MYT1L: variants seen among roughly 807,000 people sequenced by gnomAD.
The protein encoded by MYT1L is myelin transcription factor 1-like protein.
In MYT1L, 12 loss-of-function variants were observed where a neutral mutation model predicts 126.7. The observed-to-expected ratio is 0.09, with a 90% CI of 0.06 to 0.15. MYT1L has a LOEUF of 0.15. Among genes scored for constraint, MYT1L ranks in the 10% least tolerant of loss-of-function variants. The probability of loss-of-function intolerance (pLI) is 1.00; values close to 1 mark genes in which losing one functional copy is unlikely to be tolerated. For missense variants in MYT1L, 979 were observed against 1,585.2 expected (o/e 0.62, Z 6.49); for synonymous variants, 541 against 604.2 (o/e 0.90, Z 1.53).
intron 2 of MYT1L, among the ~76,000 whole-genome samples, chr2:2,249,179 T>C (rs2094589418): frequency 6.6e-6 from 1 of 151,974 alleles, no homozygotes; most frequent in African/African-American, 2.4e-5. Context: ...TTTTGCAGGA[T>C]ACAAAATTAA....
intron 4 of MYT1L, among the ~76,000 whole-genome samples, chr2:2,022,683 T>C (rs535459266): frequency 6.6e-6 from 1 of 151,620 alleles, no homozygotes; most frequent in East Asian, 1.9e-4. Context: ...AGCTTTTTAA[T>C]ACACTTCCAT....
intron 18 of MYT1L, among the ~76,000 whole-genome samples, chr2:1,868,330 G>A (rs1431895027): frequency 6.6e-6 from 1 of 152,186 alleles, no homozygotes; most frequent in African/African-American, 2.4e-5. Context: ...CATAGAACCT[G>A]CACTTGCATA....
At chr2:2,147,409 T>C (rs1005122832) in intron 3 of MYT1L, among the ~76,000 whole-genome samples, 1 of 152,176 alleles carries the variant, frequency 6.6e-6, no homozygotes, top group Admixed American at 6.5e-5. Context: ...GGCAGAGGCG[T>C]TCTGTTGGAG....
chr2:2,020,929 T>C (rs1558761946), intron 4 of MYT1L, among the ~76,000 whole-genome samples: 2 of 152,234 alleles, frequency 1.3e-5, no homozygotes, highest in Non-Finnish European at 2.9e-5. Flanking sequence ...CAGCTGCCTC[T>C]GAGCAGCTCC....
intron 3 of MYT1L, among the ~76,000 whole-genome samples, chr2:2,111,353 C>A (rs1264860193): frequency 2.0e-5 from 3 of 152,178 alleles, no homozygotes; most frequent in Non-Finnish European, 4.4e-5. Flanking sequence ...CCCATCCTCC[C>A]CCCGACGGCA....
In MYT1L at chr2:1,912,143, G is replaced by T; in HGVS notation, c.1619-33C>A. On this transcript the variant is annotated intron_variant, in intron 11 of 24. Coordinates refer to ENST00000647738, the MANE Select transcript of MYT1L (RefSeq NM_001303052.2). The surrounding 1 kb of genome is among the most constrained non-coding windows in gnomAD (Gnocchi z 4.3). Reference sequence around the variant, plus strand: ...GGGAGAGGCAAAGAGAACAGCCAGTGTTAAAACAGAGGCACGGTTAGGGCA... The same window carrying T: ...GGGAGAGGCAAAGAGAACAGCCAGTTTTAAAACAGAGGCACGGTTAGGGCA... 1 of 1,488,308 alleles carries T rather than the reference G, an allele frequency of 6.7e-7. No individual in the cohort carries two copies. Among genetic ancestry groups the T allele is most frequent in the Non-Finnish European group, 9.2e-7 (1 of 1,086,076 alleles). 92.2% of individuals were successfully genotyped at this position (1,488,308 alleles called of 1,614,324 possible). A position where few individuals can be genotyped will look rare whatever the true frequency, so the allele number is the denominator to read the frequency against.
intron 21 of MYT1L, among the ~76,000 whole-genome samples, chr2:1,831,735 T>G (rs1416247533): frequency 6.6e-6 from 1 of 152,114 alleles, no homozygotes; most frequent in African/African-American, 2.4e-5. Flanking sequence ...CTGCACATCA[T>G]GGCGCCTGGC....
At position 2,231,112 on chromosome 2, in the gene MYT1L, T is replaced by C. The variant is rs148331727; in HGVS notation, c.-421+53292A>G. Among the ~76,000 whole-genome samples the C allele has an allele frequency of 2.3e-3, 353 of 152,328 alleles. 4 individuals carry two copies. Among genetic ancestry groups the C allele is most frequent in the Admixed American group, 0.01 (160 of 15,304 alleles). ...ATTACCCTTTCCAGTCCTTTTCAACTGCAAACACAGCTTTCATTTCCTGCT... is the reference window on the plus strand; with the variant it reads ...ATTACCCTTTCCAGTCCTTTTCAACCGCAAACACAGCTTTCATTTCCTGCT... On this transcript the variant is annotated intron_variant, in intron 2 of 24. Transcript: ENST00000647738.
At chr2:2,058,829 G>C (rs78617143) in intron 3 of MYT1L, among the ~76,000 whole-genome samples, 4,954 of 152,264 alleles carry the variant, frequency 0.033, 134 homozygotes, top group Non-Finnish European at 0.05. Flanking sequence ...ATGAGCCCAG[G>C]GATGTGAGGC....
intron 5 of MYT1L, among the ~76,000 whole-genome samples, chr2:1,989,222 A>G (rs143077397): frequency 1.3e-5 from 2 of 152,180 alleles, no homozygotes; most frequent in African/African-American, 4.8e-5. Context: ...GTCTCCTTTA[A>G]TTCAACTAAT....
intron 3 of MYT1L, among the ~76,000 whole-genome samples, chr2:2,103,481 T>C (rs2078356542): frequency 6.6e-6 from 1 of 152,218 alleles, no homozygotes; most frequent in African/African-American, 2.4e-5. Context: ...CGGGGCAGAA[T>C]GGAGGCGGCC....
rs868834701 is a variant in MYT1L, at chr2:2,260,358, G to T, written c.-421+24046C>A. On this transcript the variant is annotated intron_variant, in intron 2 of 24. Coordinates refer to ENST00000647738, the MANE Select transcript of MYT1L (RefSeq NM_001303052.2). ...AATTGTAAAGGCATATACAGACTTC[G>T]TGCCTATTATTATACAACAACTCTA... Among the ~76,000 whole-genome samples the T allele has an allele frequency of 7.9e-5, 12 of 152,272 alleles. No homozygotes were observed. In the Middle Eastern group the frequency reaches 0.01, roughly 129 times the overall value.
chr2:1,846,074 A>G (rs1215315842), intron 19 of MYT1L, among the ~76,000 whole-genome samples: 1 of 152,250 alleles, frequency 6.6e-6, no homozygotes, highest in Non-Finnish European at 1.5e-5. Flanking sequence ...AGTATCTTTC[A>G]GGTCAGATTC....
chr2:2,193,198 A>G (rs77082783), intron 2 of MYT1L, among the ~76,000 whole-genome samples: 26,312 of 151,892 alleles, frequency 0.17, 2,449 homozygotes, highest in African/African-American at 0.26. Flanking sequence ...GGCTGGTCTC[A>G]ATCTCCTGAC....
intron 3 of MYT1L, among the ~76,000 whole-genome samples, chr2:2,074,760 A>C (rs1176057852): frequency 6.6e-6 from 1 of 152,188 alleles, no homozygotes; most frequent in Non-Finnish European, 1.5e-5. Context: ...TGATGAACAA[A>C]AAAATACTCA....
At chr2:1,883,605 C>T (rs1034775754) in intron 18 of MYT1L, among the ~76,000 whole-genome samples, 7 of 152,108 alleles carry the variant, frequency 4.6e-5, no homozygotes, top group East Asian at 3.9e-4. Context: ...TCTCAGTGAA[C>T]GTCACAGCCA....
At chr2:2,327,741 G>A (rs149677350) in intron 1 of MYT1L, among the ~76,000 whole-genome samples, 2 of 152,258 alleles carry the variant, frequency 1.3e-5, no homozygotes, top group African/African-American at 4.8e-5. Flanking sequence ...GGGACACCCA[G>A]CCAAACCAAA....
chr2:1,840,801 T>C lies in MYT1L; in HGVS notation c.2817A>G (p.Ile939Met). Residue 939 changes from isoleucine to methionine, a missense_variant, in exon 20 of 25, where the codon ATA (isoleucine) becomes ATG (methionine). This residue lies in a region of MYT1L where 179 missense variants were observed against 398.6 expected (regional missense o/e 0.45). Transcript: ENST00000647738. Reference sequence around the variant, plus strand: ...CTTCTTTATCTTCTTTGCTCTGTGCTATCCTGATACCACTTTTCTTTGCTC... The same window carrying C: ...CTTCTTTATCTTCTTTGCTCTGTGCCATCCTGATACCACTTTTCTTTGCTC... Reference protein sequence around the residue: ...CPRAKKSGIRIAQSKEDKEDQ... With the variant: ...CPRAKKSGIRMAQSKEDKEDQ... The C allele has an allele frequency of 1.3e-6, 2 of 1,551,216 alleles. No individual in the cohort carries two copies. Among genetic ancestry groups the C allele is most frequent in the South Asian group, 1.2e-5 (1 of 84,032 alleles).
chr2:2,100,321 G>A lies in MYT1L; in HGVS notation c.-303-46198C>T, dbSNP rs1472160350. On this transcript the variant is annotated intron_variant, in intron 3 of 24. Coordinates refer to ENST00000647738, the MANE Select transcript of MYT1L (RefSeq NM_001303052.2). ...TTGGCTCTAGAGAATAACCAAAGAT[G>A]GGAATCCTATTGTCTTTTTTGTTTG... Among the ~76,000 whole-genome samples the A allele has an allele frequency of 3.9e-5, 6 of 152,098 alleles. No homozygotes were observed. In the East Asian group the frequency reaches 1.2e-3, roughly 29 times the overall value.
Sources: gnomAD v4.1 joint callset for allele counts (sites outside exome capture counted in the v4.1 genomes callset) on GRCh38, gnomAD v4.1.1 for gene constraint, gnomAD v4.1.1 regional missense constraint, Gnocchi (gnomAD v3.1) non-coding constraint, MANE v1.5 for transcripts, NCBI Gene and HGNC (gene_info 2026-07-23, HGNC 2026-07-21) for gene names.